Variants in RARB observed in about 807,000 individuals in gnomAD.
RARB encodes retinoic acid receptor beta.
Under a neutral mutation model 51.9 loss-of-function variants are expected in RARB, and 17 were observed. The observed-to-expected ratio is 0.33, with a 90% CI of 0.22 to 0.49. The LOEUF (loss-of-function observed/expected upper bound fraction) is 0.49. RARB is among the 20% of genes least tolerant of loss of function. The pLI is 0.99. For synonymous variants in RARB, 215 were observed against 195.4 expected (o/e 1.10, Z -0.84); for missense variants, 369 against 550.8 (o/e 0.67, Z 3.30).
At chr3:25,475,738 T>C (rs983584888) in intron 2 of RARB, among the ~76,000 whole-genome samples, 3 of 152,166 alleles carry the variant, frequency 2.0e-5, no homozygotes, top group African/African-American at 7.2e-5. Context: ...CATTCTAAAG[T>C]AGGCTTCAAG....
rs190353618 is a variant in RARB, at chr3:25,074,595, G to A, written c.-328+14419G>A. On this transcript the variant is annotated intron_variant, in intron 3 of 11. Transcript: ENST00000383772. ...TCGAAGCCTGCCAAGTTACATATCTGTAGCTTTTTTTAATGGCTGTTGTTG... is the reference window on the plus strand; with the variant it reads ...TCGAAGCCTGCCAAGTTACATATCTATAGCTTTTTTTAATGGCTGTTGTTG... 2.0e-5 allele frequency among the ~76,000 whole-genome samples: 3 copies of A among 152,210 alleles called. No homozygotes were observed. In the East Asian group the frequency reaches 5.8e-4, roughly 29 times the overall value.
intron 2 of RARB, among the ~76,000 whole-genome samples, chr3:25,012,660 T>C (rs1697423703): frequency 6.6e-6 from 1 of 152,170 alleles, no homozygotes; most frequent in African/African-American, 2.4e-5. Context: ...TAAATGTTGT[T>C]TGAGGTGATT....
At chr3:25,391,663 A>G (rs1336762466) in intron 5 of RARB, among the ~76,000 whole-genome samples, 1 of 151,996 alleles carries the variant, frequency 6.6e-6, no homozygotes, top group African/African-American at 2.4e-5. Context: ...ATTTTTTCAT[A>G]TGTTTGTTGG....
chr3:25,331,708 A>G (rs1038661100), intron 5 of RARB, among the ~76,000 whole-genome samples: 2 of 152,168 alleles, frequency 1.3e-5, no homozygotes, highest in South Asian at 2.1e-4. Context: ...GACACAAAAA[A>G]CCCTTCAAAA....
chr3:25,397,450 T>C (rs1707146978), intron 5 of RARB, among the ~76,000 whole-genome samples: 1 of 152,204 alleles, frequency 6.6e-6, no homozygotes, highest in African/African-American at 2.4e-5. Context: ...TCCTTCAGTT[T>C]TTCTGGTATG....
chr3:24,968,153 A>C (rs988243073), intron 2 of RARB, among the ~76,000 whole-genome samples: 2 of 152,170 alleles, frequency 1.3e-5, no homozygotes, highest in African/African-American at 4.8e-5. Context: ...CTTGAGGGCC[A>C]AAGATGGACA....
At chr3:24,902,021 T>C (rs943252555) in intron 2 of RARB, among the ~76,000 whole-genome samples, 2 of 151,370 alleles carry the variant, frequency 1.3e-5, no homozygotes, top group Non-Finnish European at 2.9e-5. Flanking sequence ...AACATACATA[T>C]ATAACATATA....
At chr3:25,512,439 A>G (rs1450525922) in intron 3 of RARB, among the ~76,000 whole-genome samples, 1 of 152,110 alleles carries the variant, frequency 6.6e-6, no homozygotes. Flanking sequence ...CGCTTACACA[A>G]TCAACTCCAA....
chr3:25,207,618 A>G (rs570276572), intron 5 of RARB, among the ~76,000 whole-genome samples: 4 of 152,300 alleles, frequency 2.6e-5, no homozygotes, highest in African/African-American at 9.6e-5. Context: ...ATTATACCAA[A>G]TCATTTACTT....
intron 3 of RARB, among the ~76,000 whole-genome samples, chr3:25,535,425 T>TTTA (rs1344581891): frequency 6.6e-6 from 1 of 151,750 alleles, no homozygotes; most frequent in Non-Finnish European, 1.5e-5. Context: ...TTTTTTTTTT[T>TTTA]TATGCTTTAG....
At chr3:25,146,499 G>GTTTTTTTTTTTTTTTT (rs1413825514) in intron 4 of RARB, among the ~76,000 whole-genome samples, 6 of 104,384 alleles carry the variant, frequency 5.7e-5, no homozygotes, top group Non-Finnish European at 1.2e-4. Flanking sequence ...TAAGTTTTTT[G>GTTTTTTTTTTTTTTTT]TTTGTTTGTT....
At chr3:25,217,566 G>A (rs1367009709) in intron 5 of RARB, among the ~76,000 whole-genome samples, 3 of 152,020 alleles carry the variant, frequency 2.0e-5, no homozygotes, top group South Asian at 2.1e-4. Context: ...GAGAGAGTTC[G>A]GGATTTGGAG....
chr3:24,931,410 G>A lies in RARB; in HGVS notation c.-380+72658G>A, dbSNP rs571060891. ...TTTCTCTGTACTTCCCCTTTAGCTA[G>A]GGTACAAGATGCATAAAATACATCA... is the stretch of plus-strand genomic sequence containing the variant. On this transcript the variant is annotated intron_variant, in intron 2 of 11. Coordinates refer to the RARB transcript ENST00000383772. 3.9e-4 allele frequency among the ~76,000 whole-genome samples: 60 copies of A among 151,946 alleles called. 1 individual carries two copies. The highest frequency in any genetic ancestry group is 1.4e-3 in the African/African-American group (59 of 41,454).
intron 5 of RARB, among the ~76,000 whole-genome samples, chr3:25,248,489 A>G (rs1271674653): frequency 6.6e-6 from 1 of 152,232 alleles, no homozygotes; most frequent in East Asian, 1.9e-4. Flanking sequence ...CTGTAGTTGT[A>G]ACCATTGGAC....
chr3:25,553,301 A>G (rs1699920820), intron 3 of RARB, among the ~76,000 whole-genome samples: 1 of 152,154 alleles, frequency 6.6e-6, no homozygotes, highest in South Asian at 2.1e-4. Context: ...ACTGGCGCCC[A>G]GGCATACTCT....
At chr3:25,532,568 A>G (rs1214350077) in intron 3 of RARB, among the ~76,000 whole-genome samples, 1 of 152,196 alleles carries the variant, frequency 6.6e-6, no homozygotes, top group Non-Finnish European at 1.5e-5. Flanking sequence ...TTATCTTTGT[A>G]GCACTTTGCC....
chr3:25,023,976 T>C (rs1697692128), intron 2 of RARB, among the ~76,000 whole-genome samples: 1 of 152,136 alleles, frequency 6.6e-6, no homozygotes, highest in Non-Finnish European at 1.5e-5. Context: ...ATTGGACAAT[T>C]CCCTGGCTCT....
chr3:24,832,526 AT>A lies in RARB; in HGVS notation c.-459+3129del, dbSNP rs543167699. 1.3e-3 allele frequency among the ~76,000 whole-genome samples: 196 copies of A among 151,266 alleles called. 1 individual carries two copies. The highest frequency in any genetic ancestry group is 4.0e-3 in the African/African-American group (166 of 41,136). On this transcript the variant is annotated intron_variant, in intron 1 of 11. Transcript: ENST00000383772. ...TTGTTTATTCATTTATGCAACATGC[AT>A]TTTTTAAGTACCCATTATTAATGAC...
At chr3:25,217,027 G>A (rs180876819) in intron 5 of RARB, among the ~76,000 whole-genome samples, 95 of 152,216 alleles carry the variant, frequency 6.2e-4, no homozygotes, top group African/African-American at 2.0e-3. Context: ...GTGGTGATGT[G>A]TTCTCATCAA....
Sources: gnomAD v4.1 joint callset for allele counts (sites outside exome capture counted in the v4.1 genomes callset) on GRCh38, gnomAD v4.1.1 for gene constraint, MANE v1.5 for transcripts, NCBI Gene and HGNC (gene_info 2026-07-23, HGNC 2026-07-21) for gene names.